DOCK11: variants seen among roughly 807,000 people sequenced by gnomAD.
The protein encoded by DOCK11 is dedicator of cytokinesis protein 11.
DOCK11 carries 70 observed loss-of-function variants against 169.1 expected under a neutral mutation model. The ratio of observed to expected loss-of-function variants is 0.41; its 90% CI spans 0.34 to 0.51. The LOEUF is 0.51. Ranked by LOEUF, DOCK11 falls within the 20% of genes least tolerant of loss-of-function variation. The pLI is 0.10. For synonymous variants in DOCK11, 529 were observed against 541.3 expected (o/e 0.98, Z 0.32); for missense variants, 1,166 against 1,538.8 (o/e 0.76, Z 4.05).
rs927463788 is a variant in DOCK11, at chrX:118,639,530, G to A, written c.4097G>A (p.Arg1366Gln). 5.0e-6 allele frequency: 6 copies of A among 1,210,601 alleles called. No homozygotes were observed. Among genetic ancestry groups the A allele is most frequent in the Non-Finnish European group, 6.7e-6 (6 of 894,875 alleles). Residue 1366 changes from arginine (R) to glutamine (Q), a missense_variant, in exon 38 of 53, where the codon CGG becomes CAG. Arg to Gln is a conservative substitution (Grantham distance 43). Transcript: ENST00000276202. The stretch of plus-strand genomic sequence containing the variant: ...AACAGATCAGGAGTAATGCAGGCCC[G>A]GCTTCAGCATCTTAGTAGCCTAGAA... ...LRNRSGVMQA[R>Q]LQHLSSLESS...
At chrX:118,648,198 TATATA>T (rs1160400593) in intron 40 of DOCK11, among the ~76,000 whole-genome samples, 1 of 71,315 alleles carries the variant, frequency 1.4e-5, no homozygotes, top group Non-Finnish European at 2.4e-5. Flanking sequence ...AATAATATAA[TATATA>T]ATATTATAAT....
chrX:118,559,159 T>C (rs2012822220), intron 6 of DOCK11, among the ~76,000 whole-genome samples: 1 of 112,358 alleles, frequency 8.9e-6, no homozygotes, highest in African/African-American at 3.2e-5. Flanking sequence ...TGATGCACTT[T>C]GCTAATATGG....
At chrX:118,630,536 C>A in intron 35 of DOCK11, 46 bp downstream of exon 35, 1 of 814,894 alleles carries the variant, frequency 1.2e-6, no homozygotes, top group Non-Finnish European at 1.8e-6. Context: ...GACATACACC[C>A]TCACAGGTTC....
intron 1 of DOCK11, among the ~76,000 whole-genome samples, chrX:118,518,129 T>C (rs771694680): frequency 2.3e-3 from 254 of 112,452 alleles, no homozygotes; most frequent in African/African-American, 7.3e-3. Flanking sequence ...TTGAACATGC[T>C]GAATCTTTGT....
At chrX:118,540,664 C>A (rs1182801527) in intron 1 of DOCK11, among the ~76,000 whole-genome samples, 3 of 110,705 alleles carry the variant, frequency 2.7e-5, no homozygotes, top group Non-Finnish European at 5.7e-5. Flanking sequence ...TCTAAATAAT[C>A]TTCTACAGGA....
At chrX:118,621,169 CTT>C (rs1042845128) in intron 31 of DOCK11, among the ~76,000 whole-genome samples, 4 of 112,444 alleles carry the variant, frequency 3.6e-5, no homozygotes, top group Non-Finnish European at 7.5e-5. Context: ...GCTCTTTCCT[CTT>C]TGTTCAGAGG....
At chrX:118,541,503 TTG>T (rs1479246836) in intron 1 of DOCK11, among the ~76,000 whole-genome samples, 2 of 111,769 alleles carry the variant, frequency 1.8e-5, no homozygotes, top group African/African-American at 6.5e-5. Flanking sequence ...GGTGCCGTCT[TTG>T]TGTATTTCTG....
At chrX:118,602,469 G>T (rs2014372388) in intron 23 of DOCK11, among the ~76,000 whole-genome samples, 1 of 110,959 alleles carries the variant, frequency 9.0e-6, no homozygotes, top group Non-Finnish European at 1.9e-5. Flanking sequence ...ATGATTAAAT[G>T]TCCAGTATGT....
chrX:118,656,127 C>CA (rs1225240902), intron 44 of DOCK11, among the ~76,000 whole-genome samples: 1 of 110,125 alleles, frequency 9.1e-6, no homozygotes, highest in Non-Finnish European at 1.9e-5. Flanking sequence ...CCCATCTCTA[C>CA]AAAAAATACA....
At chrX:118,544,498 C>T (rs2012163328) in intron 4 of DOCK11, among the ~76,000 whole-genome samples, 3 of 108,829 alleles carry the variant, frequency 2.8e-5, no homozygotes, top group Admixed American at 2.0e-4. Context: ...GTTTTCAGAG[C>T]ACTTTCCAAA....
At chrX:118,532,508 G>A (rs1316364889) in intron 1 of DOCK11, among the ~76,000 whole-genome samples, 2 of 108,798 alleles carry the variant, frequency 1.8e-5, no homozygotes, top group African/African-American at 6.7e-5. Flanking sequence ...CGGCCGGGCG[G>A]GGTGGCTCAC....
At chrX:118,677,163 C>T (rs143003892) in intron 48 of DOCK11, among the ~76,000 whole-genome samples, 1,668 of 111,961 alleles carry the variant, frequency 0.015, 14 homozygotes, top group Non-Finnish European at 0.025. Context: ...CATGATTCTC[C>T]GTTACATCAT....
intron 44 of DOCK11, among the ~76,000 whole-genome samples, chrX:118,658,146 G>C (rs1431750487): frequency 9.0e-6 from 1 of 111,004 alleles, no homozygotes; most frequent in Non-Finnish European, 1.9e-5. Flanking sequence ...AAAGATAATT[G>C]GGCACCTTTA....
intron 16 of DOCK11, among the ~76,000 whole-genome samples, chrX:118,586,250 A>G (rs1338099328): frequency 1.8e-5 from 2 of 111,568 alleles, no homozygotes; most frequent in Non-Finnish European, 3.8e-5. Flanking sequence ...CGTTTTTCAC[A>G]CGGCTATAAA....
chrX:118,669,044 G>A (rs2016405994), intron 45 of DOCK11, among the ~76,000 whole-genome samples: 1 of 111,968 alleles, frequency 8.9e-6, no homozygotes, highest in African/African-American at 3.2e-5. Context: ...GTTGTTCTGT[G>A]AGTGATGCGG....
At chrX:118,642,921 C>T (rs1272859041) in intron 39 of DOCK11, among the ~76,000 whole-genome samples, 3 of 110,975 alleles carry the variant, frequency 2.7e-5, no homozygotes, top group African/African-American at 9.8e-5. Context: ...GACATTTAAA[C>T]AATTTACATA....
At chrX:118,647,758 TAA>T (rs2015755795) in intron 40 of DOCK11, among the ~76,000 whole-genome samples, 3 of 46,158 alleles carry the variant, frequency 6.5e-5, no homozygotes, top group African/African-American at 1.1e-4. Context: ...TAATAATATA[TAA>T]TATATTATAA....
chrX:118,561,103 G>T (rs142710395), intron 6 of DOCK11, among the ~76,000 whole-genome samples: 80 of 112,237 alleles, frequency 7.1e-4, no homozygotes, highest in African/African-American at 2.5e-3. Flanking sequence ...TAGTGAAAGG[G>T]TCAGGAGATT....
At chrX:118,592,129 G>A (rs752827359) in intron 19 of DOCK11, among the ~76,000 whole-genome samples, 2 of 109,775 alleles carry the variant, frequency 1.8e-5, no homozygotes, top group South Asian at 3.9e-4. Context: ...ATGTTTTATA[G>A]TCCTTTGGGT....
Sources: allele counts gnomAD v4.1 joint callset (sites outside exome capture counted in the v4.1 genomes callset), GRCh38; gene constraint gnomAD v4.1.1; transcripts MANE v1.5; gene names NCBI Gene and HGNC (gene_info 2026-07-23, HGNC 2026-07-21).